Variants in CAMTA1 observed in about 807,000 individuals in gnomAD.
CAMTA1 encodes the protein calmodulin-binding transcription activator 1.
A neutral mutation model predicts 170.9 loss-of-function variants in CAMTA1; 27 were observed. The observed-to-expected ratio is 0.16, with a 90% confidence interval of 0.12 to 0.22. The LOEUF (loss-of-function observed/expected upper bound fraction) is 0.22. Ranked by LOEUF, CAMTA1 falls within the 10% of genes least tolerant of loss-of-function variation. The pLI, the probability that CAMTA1 is intolerant of heterozygous loss-of-function variation, is 1.00. For synonymous variants in CAMTA1, 833 were observed against 891.5 expected (o/e 0.93, Z 1.17); for missense variants, 1,619 against 2,217.2 (o/e 0.73, Z 5.42).
At chr1:7,389,099 TCTGA>T (rs1190977873) in intron 5 of CAMTA1, among the ~76,000 whole-genome samples, 1 of 152,214 alleles carries the variant, frequency 6.6e-6, no homozygotes, top group East Asian at 1.9e-4. Flanking sequence ...GCTGCCTGGC[TCTGA>T]CTGTCAGAGT....
At chr1:7,127,973 A>G (rs888474474) in intron 4 of CAMTA1, among the ~76,000 whole-genome samples, 2 of 152,206 alleles carry the variant, frequency 1.3e-5, no homozygotes, top group African/African-American at 4.8e-5. Flanking sequence ...AACTGCTTGT[A>G]CAAACCATGC....
At chr1:6,808,721 T>A (rs1439227812) in intron 1 of CAMTA1, among the ~76,000 whole-genome samples, 1 of 152,160 alleles carries the variant, frequency 6.6e-6, no homozygotes, top group Non-Finnish European at 1.5e-5. Context: ...AGTAAATGCT[T>A]GTTGGCTGAA....
intron 3 of CAMTA1, among the ~76,000 whole-genome samples, chr1:6,933,811 C>G (rs1316138865): frequency 1.3e-5 from 2 of 152,076 alleles, no homozygotes; most frequent in Non-Finnish European, 2.9e-5. Context: ...GGACTCAGTT[C>G]TGTTAATTGA....
At chr1:6,817,921 GAA>G (rs1236880552) in intron 1 of CAMTA1, among the ~76,000 whole-genome samples, 1 of 152,146 alleles carries the variant, frequency 6.6e-6, no homozygotes, top group Non-Finnish European at 1.5e-5. Context: ...ACATTATAGA[GAA>G]AGACTTTATT....
At chr1:6,903,259 C>T (rs1372388661) in intron 3 of CAMTA1, among the ~76,000 whole-genome samples, 8 of 152,162 alleles carry the variant, frequency 5.3e-5, no homozygotes. Flanking sequence ...GGGGAATTAA[C>T]CGGAAAGAGG....
chr1:6,945,207 C>G (rs542635218), intron 3 of CAMTA1, among the ~76,000 whole-genome samples: 1 of 152,256 alleles, frequency 6.6e-6, no homozygotes, highest in South Asian at 2.1e-4. Context: ...ATATAGCTTA[C>G]AATTCACCCA....
intron 5 of CAMTA1, among the ~76,000 whole-genome samples, chr1:7,439,723 C>T (rs2092461837): frequency 6.6e-6 from 1 of 152,306 alleles, no homozygotes; most frequent in Non-Finnish European, 1.5e-5. Flanking sequence ...TGGGGAGGAA[C>T]GGAAGTGTGC....
chr1:7,667,445 G>C (rs145016396), intron 9 of CAMTA1, among the ~76,000 whole-genome samples: 2,019 of 152,276 alleles, frequency 0.013, 24 homozygotes, highest in Middle Eastern at 0.031. Flanking sequence ...AAATGGCTGA[G>C]AGGGGGTGGC....
chr1:7,720,685 G>T (rs898455539), intron 11 of CAMTA1, among the ~76,000 whole-genome samples: 1 of 152,206 alleles, frequency 6.6e-6, no homozygotes, highest in African/African-American at 2.4e-5. Flanking sequence ...CAAAGTTAGG[G>T]TTTGGTATTT....
rs1458682682 is a variant in CAMTA1 at position 7,588,434 on chromosome 1, C to A, written c.511-51966C>A. Among the ~76,000 whole-genome samples, 1 of 152,218 alleles carries A rather than the reference C, an allele frequency of 6.6e-6. No individual in the cohort carries two copies. The highest frequency in any genetic ancestry group is 6.5e-5 in the Admixed American group (1 of 15,288). ...CCCTGGGCTTCGTAATCACACTACA[C>A]TAACGCCTCTGCAAGCATCGTTTTA... On this transcript the variant is annotated intron_variant, in intron 6 of 22. Transcript: ENST00000303635. This position sits in a 1 kb window ranked among gnomAD's most constrained non-coding sequence, Gnocchi z 5.8.
chr1:7,054,727 G>A (rs541834062), intron 3 of CAMTA1, among the ~76,000 whole-genome samples: 18 of 152,344 alleles, frequency 1.2e-4, no homozygotes, highest in Non-Finnish European at 1.9e-4. Context: ...TCTGTGACCC[G>A]GGAGAGCAGC....
chr1:7,121,198 C>G (rs942524631), intron 4 of CAMTA1, among the ~76,000 whole-genome samples: 2 of 152,202 alleles, frequency 1.3e-5, no homozygotes, highest in Admixed American at 1.3e-4. Context: ...GGCTTTTTGC[C>G]AGGGCTGGCC....
At chr1:7,657,434 C>T (rs922441857) in intron 7 of CAMTA1, among the ~76,000 whole-genome samples, 17 of 152,204 alleles carry the variant, frequency 1.1e-4, no homozygotes, top group African/African-American at 4.1e-4. Flanking sequence ...GCCACCAGGA[C>T]ATTACCTTTC....
chr1:7,017,434 C>T (rs1324256202), intron 3 of CAMTA1, among the ~76,000 whole-genome samples: 8 of 152,194 alleles, frequency 5.3e-5, no homozygotes, highest in Non-Finnish European at 8.8e-5. Context: ...TGAACTTCTT[C>T]GTTCTTTGCT....
At chr1:7,755,586 G>A in intron 21 of CAMTA1, 52 bp from the exon 22 acceptor site, 1 of 1,373,624 alleles carries the variant, frequency 7.3e-7, no homozygotes, top group South Asian at 1.2e-5. Flanking sequence ...TAAGATTTCT[G>A]TTGTGACCCT....
chr1:6,898,508 G>C (rs1676145859), intron 3 of CAMTA1, among the ~76,000 whole-genome samples: 1 of 152,300 alleles, frequency 6.6e-6, no homozygotes, highest in East Asian at 1.9e-4. Context: ...AGCTGAGATC[G>C]CACCACTATA....
intron 3 of CAMTA1, among the ~76,000 whole-genome samples, chr1:6,844,226 C>T (rs1194251126): frequency 6.6e-6 from 1 of 152,118 alleles, no homozygotes; most frequent in African/African-American, 2.4e-5. Context: ...ATGTAGTTAC[C>T]TTTGGAGAGT....
intron 4 of CAMTA1, among the ~76,000 whole-genome samples, chr1:7,199,214 C>T (rs981660897): frequency 2.0e-5 from 3 of 152,316 alleles, no homozygotes; most frequent in East Asian, 1.9e-4. Context: ...TTGGAGCCCG[C>T]CCCCACGCCT....
chr1:7,257,813 C>T (rs1667642373), intron 5 of CAMTA1, among the ~76,000 whole-genome samples: 1 of 152,178 alleles, frequency 6.6e-6, no homozygotes, highest in East Asian at 1.9e-4. Flanking sequence ...GACAACCCTC[C>T]AAGCATCAGA....
Sources: gnomAD v4.1 joint callset for allele counts (sites outside exome capture counted in the v4.1 genomes callset) on GRCh38, gnomAD v4.1.1 for gene constraint, Gnocchi (gnomAD v3.1) non-coding constraint, MANE v1.5 for transcripts, NCBI Gene and HGNC (gene_info 2026-07-23, HGNC 2026-07-21) for gene names.